The following ADAM22 variants were observed in gnomAD, a reference collection of about 807,000 sequenced individuals.
The protein encoded by ADAM22 is disintegrin and metalloproteinase domain-containing protein 22.
ADAM22 carries 65 observed loss-of-function variants against 144.6 expected under a neutral mutation model. The ratio of observed to expected loss-of-function variants is 0.45; its 90% CI spans 0.37 to 0.55. The LOEUF (loss-of-function observed/expected upper bound fraction) is 0.55, where lower values mean the gene tolerates loss of function less well. Ranked by LOEUF, ADAM22 falls within the 20% of genes least tolerant of loss-of-function variation. The pLI is 0.00. For missense variants in ADAM22, 974 were observed against 1,184.9 expected (o/e 0.82, Z 2.61); for synonymous variants, 391 against 412.6 (o/e 0.95, Z 0.63).
At chr7:88,113,703 A>AATAAATATATATATATATATATATAT in intron 5 of ADAM22, among the ~76,000 whole-genome samples, 1 of 48,108 alleles carries the variant, frequency 2.1e-5, no homozygotes, top group East Asian at 1.4e-3. Context: ...TAAATAAATA[A>AATAAATATATATATATATATATATAT]ATATATATAT....
chr7:88,113,703 A>AATAAATAAATATAT lies in ADAM22; in HGVS notation c.474-878_474-877insAATAAATATATATA, dbSNP rs1554478726. Among the ~76,000 whole-genome samples, 351 of 48,028 alleles carry AATAAATAAATATAT rather than the reference A, an allele frequency of 7.3e-3. 6 individuals are homozygous for AATAAATAAATATAT. The highest frequency in any genetic ancestry group is 0.018 in the Middle Eastern group (1 of 56). 31.5% of individuals were successfully genotyped at this position (48,028 alleles called of 152,430 possible). A position where few individuals can be genotyped will look rare whatever the true frequency, so the allele number is the denominator to read the frequency against. ...TATATATATTATAAATAAATAAATA[A>AATAAATAAATATAT]ATATATATATATATATATATATATA... On this transcript the variant is annotated intron_variant, in intron 5 of 31. Coordinates refer to ENST00000413139, the MANE Select transcript of ADAM22 (RefSeq NM_001324418.2).
rs1851192592 is a variant in ADAM22 at position 88,201,404 on chromosome 7, G to C, written c.*4913G>C. 1 of 152,218 alleles carries C rather than the reference G, an allele frequency of 6.6e-6. No homozygotes were observed. Among genetic ancestry groups the C allele is most frequent in the African/African-American group, 2.4e-5 (1 of 41,450 alleles). 9.4% of individuals were successfully genotyped at this position (152,218 alleles called of 1,614,324 possible). A position where few individuals can be genotyped will look rare whatever the true frequency, so the allele number is the denominator to read the frequency against. On this transcript the variant is annotated 3_prime_UTR_variant, in exon 32 of 32. Coordinates refer to ENST00000413139, the MANE Select transcript of ADAM22 (RefSeq NM_001324418.2). The stretch of plus-strand genomic sequence containing the variant: ...GCAGAGAACTTTGGGAGACCATGGG[G>C]CATTTAGTCCTGGCATAGACACAGA...
At chr7:88,154,525 C>G (rs923649744) in intron 21 of ADAM22, among the ~76,000 whole-genome samples, 6 of 152,122 alleles carry the variant, frequency 3.9e-5, no homozygotes. Context: ...AATAAATTAT[C>G]TCTCTCTTCT....
At chr7:88,089,604 G>A (rs1228847836) in intron 4 of ADAM22, among the ~76,000 whole-genome samples, 1 of 152,080 alleles carries the variant, frequency 6.6e-6, no homozygotes, top group Non-Finnish European at 1.5e-5. Context: ...CATGCTTTCT[G>A]TCTTGAATTC....
intron 3 of ADAM22, among the ~76,000 whole-genome samples, chr7:88,044,331 A>T (rs188897402): frequency 6.6e-6 from 1 of 152,204 alleles, no homozygotes; most frequent in Admixed American, 6.5e-5. Context: ...AGGAACTGCT[A>T]TGTTATCTGC....
rs1472016622 is a variant in ADAM22 at position 88,202,791 on chromosome 7, T to C, written c.*6300T>C. 1 of 152,238 alleles carries C rather than the reference T, an allele frequency of 6.6e-6. No individual in the cohort carries two copies. The highest frequency in any genetic ancestry group is 1.5e-5 in the Non-Finnish European group (1 of 68,038). 9.4% of individuals were successfully genotyped at this position (152,238 alleles called of 1,614,324 possible). ...CAAATTTCTGGCACAGTTTTATTAGTATTCACTTCGGAAGCTAATAAGATA... is the reference window on the plus strand; with the variant it reads ...CAAATTTCTGGCACAGTTTTATTAGCATTCACTTCGGAAGCTAATAAGATA... On this transcript the variant is annotated 3_prime_UTR_variant, in exon 32 of 32. Transcript: ENST00000413139.
chr7:88,053,394 G>A (rs907442952), intron 3 of ADAM22, among the ~76,000 whole-genome samples: 3 of 151,854 alleles, frequency 2.0e-5, no homozygotes, highest in Non-Finnish European at 4.4e-5. Flanking sequence ...ACTTGAGCCT[G>A]GGAGTTTGAG....
At chr7:87,960,953 T>C (rs539742599) in intron 2 of ADAM22, among the ~76,000 whole-genome samples, 119 of 152,282 alleles carry the variant, frequency 7.8e-4, no homozygotes, top group African/African-American at 2.8e-3. Context: ...TAAAAAAAAT[T>C]CTTTCTTCTG....
chr7:88,184,651 G>A (rs976379517), intron 29 of ADAM22, among the ~76,000 whole-genome samples: 1 of 151,962 alleles, frequency 6.6e-6, no homozygotes, highest in Non-Finnish European at 1.5e-5. Flanking sequence ...AGCCACATAG[G>A]TAGATTTACT....
At chr7:88,032,546 T>G (rs771505289) in intron 3 of ADAM22, among the ~76,000 whole-genome samples, 18 of 152,190 alleles carry the variant, frequency 1.2e-4, no homozygotes, top group Non-Finnish European at 2.5e-4. Flanking sequence ...ACTTTGGACT[T>G]GGACTTTTGA....
chr7:88,019,617 G>A (rs976975614), intron 3 of ADAM22, among the ~76,000 whole-genome samples: 11 of 152,198 alleles, frequency 7.2e-5, no homozygotes, highest in African/African-American at 2.2e-4. Flanking sequence ...GGAGGCCAAG[G>A]CAGGTGGATC....
chr7:88,094,656 A>G (rs997589412), intron 4 of ADAM22, among the ~76,000 whole-genome samples: 4 of 152,178 alleles, frequency 2.6e-5, no homozygotes, highest in Non-Finnish European at 5.9e-5. Context: ...AACTCTGTGG[A>G]TGGCAGAGTG....
At chr7:88,063,799 A>G (rs564871199) in intron 3 of ADAM22, among the ~76,000 whole-genome samples, 7 of 152,236 alleles carry the variant, frequency 4.6e-5, no homozygotes, top group African/African-American at 1.2e-4. Flanking sequence ...CTAGGAGACA[A>G]TGGAGCAATG....
chr7:87,953,562 C>G (rs956351642), intron 2 of ADAM22, among the ~76,000 whole-genome samples: 187 of 152,190 alleles, frequency 1.2e-3, no homozygotes, highest in Non-Finnish European at 1.3e-3. Flanking sequence ...TTACTTCCAA[C>G]TATGTGGTCA....
chr7:87,945,667 C>A (rs913885763), intron 2 of ADAM22, among the ~76,000 whole-genome samples: 1 of 151,886 alleles, frequency 6.6e-6, no homozygotes, highest in Non-Finnish European at 1.5e-5. Context: ...CGCCTGCCAC[C>A]GCACCCAGCT....
At chr7:87,946,092 A>G (rs1843623718) in intron 2 of ADAM22, among the ~76,000 whole-genome samples, 1 of 152,016 alleles carries the variant, frequency 6.6e-6, no homozygotes, top group African/African-American at 2.4e-5. Context: ...GTGAGATGGT[A>G]TCTCATTGTG....
intron 18 of ADAM22, among the ~76,000 whole-genome samples, chr7:88,149,324 C>T (rs1586209163): frequency 6.6e-6 from 1 of 152,150 alleles, no homozygotes. Flanking sequence ...AAGGCATTTT[C>T]TTTTCATCTA....
chr7:88,111,555 CTT>C (rs1310329734), intron 5 of ADAM22, among the ~76,000 whole-genome samples: 1 of 152,058 alleles, frequency 6.6e-6, no homozygotes, highest in Non-Finnish European at 1.5e-5. Context: ...CTGTGGGAAC[CTT>C]AAAGCACGGA....
intron 3 of ADAM22, among the ~76,000 whole-genome samples, chr7:88,043,484 C>CAAA (rs537365074): frequency 9.8e-5 from 9 of 92,158 alleles, no homozygotes; most frequent in African/African-American, 2.6e-4. Flanking sequence ...GGCTCAGTAT[C>CAAA]AAAAAAAAAA....
Sources: gnomAD v4.1 joint callset for allele counts (sites outside exome capture counted in the v4.1 genomes callset) on GRCh38, gnomAD v4.1.1 for gene constraint, MANE v1.5 for transcripts, NCBI Gene and HGNC (gene_info 2026-07-23, HGNC 2026-07-21) for gene names.